The following GRM7 variants were observed in gnomAD, a reference collection of about 807,000 sequenced individuals.
GRM7 encodes the protein glutamate metabotropic receptor 7.
A neutral mutation model predicts 84.5 loss-of-function variants in GRM7; 35 were observed. That is an observed-to-expected ratio of 0.41 (90% CI 0.32 to 0.55). The LOEUF is 0.55. Among genes scored for constraint, GRM7 ranks in the 20% least tolerant of loss-of-function variants. The pLI is 0.19. For missense variants in GRM7, 1,003 were observed against 1,194.6 expected, an observed-to-expected ratio of 0.84 and a Z score of 2.36; for synonymous variants, 487 against 455.1, an observed-to-expected ratio of 1.07 and a Z score of -0.89.
intron 1 of GRM7, among the ~76,000 whole-genome samples, chr3:6,939,064 T>A (rs569971552): frequency 2.6e-5 from 4 of 152,342 alleles, no homozygotes; most frequent in Admixed American, 6.5e-5. Flanking sequence ...ATTTTGATTT[T>A]TTCTGCACAA....
At chr3:7,308,245 A>G (rs115821404) in intron 4 of GRM7, among the ~76,000 whole-genome samples, 1,744 of 112,588 alleles carry the variant, frequency 0.015, 40 homozygotes, top group African/African-American at 0.067. Context: ...ATTGACTTCT[A>G]TTTATTTTGG....
chr3:7,291,363 C>G (rs1296987914), intron 2 of GRM7, among the ~76,000 whole-genome samples: 2 of 152,238 alleles, frequency 1.3e-5, no homozygotes, highest in African/African-American at 2.4e-5. Flanking sequence ...CTCTGGTTCT[C>G]TCTCTTTTTC....
chr3:7,609,506 G>C (rs1575551239), intron 8 of GRM7, among the ~76,000 whole-genome samples: 1 of 152,178 alleles, frequency 6.6e-6, no homozygotes, highest in Admixed American at 6.5e-5. Flanking sequence ...TGCAGAGCTC[G>C]TGGAACAGAA....
At chr3:7,324,187 G>A (rs770133030) in intron 4 of GRM7, among the ~76,000 whole-genome samples, 3 of 152,130 alleles carry the variant, frequency 2.0e-5, no homozygotes, top group Non-Finnish European at 4.4e-5. Flanking sequence ...GGCAATGGTG[G>A]TCAGCATCAT....
chr3:7,082,551 T>G (rs1307079009), intron 1 of GRM7, among the ~76,000 whole-genome samples: 2 of 152,148 alleles, frequency 1.3e-5, no homozygotes, highest in Non-Finnish European at 2.9e-5. Context: ...GGAGTAATTT[T>G]GACTTTCCAG....
intron 1 of GRM7, among the ~76,000 whole-genome samples, chr3:6,918,531 T>G (rs1697018834): frequency 6.6e-6 from 1 of 152,210 alleles, no homozygotes; most frequent in African/African-American, 2.4e-5. Flanking sequence ...AACCTCTTGA[T>G]GCCTGTTTCC....
At chr3:7,417,049 A>C (rs531925622) in intron 5 of GRM7, among the ~76,000 whole-genome samples, 12 of 152,088 alleles carry the variant, frequency 7.9e-5, no homozygotes, top group Non-Finnish European at 1.3e-4. Flanking sequence ...AGGCTGTTTT[A>C]TGTGGAGCCA....
chr3:7,532,803 CAAAAAAAA>C (rs36040168), intron 7 of GRM7, among the ~76,000 whole-genome samples: 1 of 70,634 alleles, frequency 1.4e-5, no homozygotes, highest in African/African-American at 6.1e-5. Context: ...AAAGGGAAAG[CAAAAAAAA>C]AAAAAAAAAA....
At chr3:7,149,355 C>A (rs28404457) in intron 2 of GRM7, among the ~76,000 whole-genome samples, 3 of 152,234 alleles carry the variant, frequency 2.0e-5, no homozygotes, top group African/African-American at 7.2e-5. Flanking sequence ...TTTAAAGACA[C>A]ACATCCCATG....
intron 2 of GRM7, among the ~76,000 whole-genome samples, chr3:7,163,196 G>C (rs1694690571): frequency 6.6e-6 from 1 of 152,162 alleles, no homozygotes; most frequent in South Asian, 2.1e-4. Context: ...CAGAGCTGTT[G>C]TCTAGAGCCA....
intron 5 of GRM7, among the ~76,000 whole-genome samples, chr3:7,433,106 T>A (rs1666151335): frequency 6.6e-6 from 1 of 152,166 alleles, no homozygotes; most frequent in Non-Finnish European, 1.5e-5. Context: ...ATGGTGAAAA[T>A]GCATGACTCT....
At chr3:7,178,763 G>T (rs1337766488) in intron 2 of GRM7, among the ~76,000 whole-genome samples, 1 of 151,728 alleles carries the variant, frequency 6.6e-6, no homozygotes, top group Non-Finnish European at 1.5e-5. Context: ...TGTTGGGTTT[G>T]TATGTCAAGT....
intron 1 of GRM7, among the ~76,000 whole-genome samples, chr3:6,924,246 T>A (rs1420227703): frequency 1.3e-5 from 2 of 152,160 alleles, no homozygotes; most frequent in African/African-American, 4.8e-5. Context: ...AAATATTAGC[T>A]AAATGGGATA....
At chr3:7,258,836 G>A (rs1698303791) in intron 2 of GRM7, among the ~76,000 whole-genome samples, 1 of 152,234 alleles carries the variant, frequency 6.6e-6, no homozygotes, top group Admixed American at 6.5e-5. Context: ...CAGAAGGAAA[G>A]AAGATAGCAA....
chr3:7,280,641 T>A (rs1699221895), intron 2 of GRM7, among the ~76,000 whole-genome samples: 1 of 152,248 alleles, frequency 6.6e-6, no homozygotes. Flanking sequence ...CCAGTAGCGC[T>A]GGCATATAGT....
intron 7 of GRM7, among the ~76,000 whole-genome samples, chr3:7,540,032 T>C (rs995553193): frequency 2.0e-5 from 3 of 152,234 alleles, no homozygotes; most frequent in Admixed American, 6.5e-5. Flanking sequence ...TTTATTATAA[T>C]TCCATTATAA....
At chr3:7,503,871 T>C (rs999757210) in intron 7 of GRM7, among the ~76,000 whole-genome samples, 4 of 152,160 alleles carry the variant, frequency 2.6e-5, no homozygotes, top group East Asian at 3.9e-4. Context: ...AGGCAACTTA[T>C]AGGTCAAAAT....
intron 1 of GRM7, among the ~76,000 whole-genome samples, chr3:7,113,401 T>C (rs1218527621): frequency 3.9e-5 from 6 of 152,128 alleles, no homozygotes; most frequent in Non-Finnish European, 7.4e-5. Context: ...TGCACCTCAG[T>C]GGTACATTTG....
chr3:7,043,523 TTC>T (rs1022426668), intron 1 of GRM7, among the ~76,000 whole-genome samples: 2 of 152,234 alleles, frequency 1.3e-5, no homozygotes, highest in African/African-American at 4.8e-5. Context: ...CTTGAAAAAG[TTC>T]TCTCGGATAT....
Sources: gnomAD v4.1 joint callset for allele counts (sites outside exome capture counted in the v4.1 genomes callset) on GRCh38, gnomAD v4.1.1 for gene constraint, MANE v1.5 for transcripts, NCBI Gene and HGNC (gene_info 2026-07-23, HGNC 2026-07-21) for gene names.